DLC1: variants seen among roughly 807,000 people sequenced by gnomAD.
DLC1 encodes rho GTPase-activating protein 7.
Under a neutral mutation model 140.3 loss-of-function variants are expected in DLC1, and 54 were observed. The ratio of observed to expected loss-of-function variants is 0.38; its 90% CI spans 0.31 to 0.48. The LOEUF (loss-of-function observed/expected upper bound fraction) is 0.48. DLC1 is among the 20% of genes least tolerant of loss of function. The pLI is 0.96. For missense variants in DLC1, 2,536 were observed against 1,907.0 expected, an observed-to-expected ratio of 1.33 and a Z score of -6.14; for synonymous variants, 986 against 728.1, an observed-to-expected ratio of 1.35 and a Z score of -5.70.
chr8:13,096,196 G>C (rs1426983774), intron 10 of DLC1: 2 of 152,242 alleles, frequency 1.3e-5, no homozygotes, highest in Non-Finnish European at 2.9e-5. Flanking sequence ...GGCTTTTACA[G>C]TTGGTTTTGA....
chr8:13,184,139 T>A (rs889485374), intron 5 of DLC1, among the ~76,000 whole-genome samples: 2 of 152,228 alleles, frequency 1.3e-5, no homozygotes, highest in Middle Eastern at 3.2e-3. Flanking sequence ...GTAGTTTTTA[T>A]TTCTATGGGA....
intron 1 of DLC1, among the ~76,000 whole-genome samples, chr8:13,522,980 A>G (rs927968076): frequency 3.9e-5 from 6 of 152,148 alleles, no homozygotes; most frequent in Admixed American, 1.3e-4. Flanking sequence ...ATGTGGCTAA[A>G]ATGGAAGGAG....
intron 5 of DLC1, among the ~76,000 whole-genome samples, chr8:13,126,018 T>C (rs1004546358): frequency 6.6e-6 from 1 of 151,984 alleles, no homozygotes; most frequent in Non-Finnish European, 1.5e-5. Context: ...TACAAGAGTT[T>C]GCAAAGTACT....
intron 2 of DLC1, among the ~76,000 whole-genome samples, chr8:13,482,352 G>C (rs916464533): frequency 4.0e-5 from 6 of 151,678 alleles, no homozygotes; most frequent in Admixed American, 2.6e-4. Context: ...CAGAGAGAGA[G>C]AGTTTAACTT....
chr8:13,522,799 C>T (rs1055692314), intron 1 of DLC1, among the ~76,000 whole-genome samples: 3 of 151,800 alleles, frequency 2.0e-5, no homozygotes, highest in African/African-American at 7.3e-5. Flanking sequence ...AAATAAGAAA[C>T]ACCAGAGTAA....
At chr8:13,201,709 A>G (rs1254124788) in intron 5 of DLC1, among the ~76,000 whole-genome samples, 1 of 152,194 alleles carries the variant, frequency 6.6e-6, no homozygotes, top group Non-Finnish European at 1.5e-5. Flanking sequence ...CTGTGGTTTT[A>G]TAATACTGAA....
intron 1 of DLC1, chr8:13,558,844 G>C (rs911120926): frequency 6.6e-6 from 1 of 152,106 alleles, no homozygotes; most frequent in Non-Finnish European, 1.5e-5. Context: ...ATAGATGAGT[G>C]AGTTCAGGAG....
At chr8:13,568,087 A>G in intron 1 of DLC1, 2 of 948,936 alleles carry the variant, frequency 2.1e-6, no homozygotes, top group Non-Finnish European at 3.1e-6. Context: ...TTTTCCTATT[A>G]TAGAAGGCAC....
intron 1 of DLC1, among the ~76,000 whole-genome samples, chr8:13,510,517 C>A (rs1407264520): frequency 6.6e-6 from 1 of 152,122 alleles, no homozygotes; most frequent in Non-Finnish European, 1.5e-5. Flanking sequence ...AATTTGCACA[C>A]ATGAAATCTC....
chr8:13,535,689 A>AAAG (rs1803254318), intron 1 of DLC1, among the ~76,000 whole-genome samples: 1 of 149,918 alleles, frequency 6.7e-6, no homozygotes, highest in Admixed American at 6.7e-5. Context: ...AAAAAAGAAA[A>AAAG]GAAAACAACA....
In DLC1 at chr8:13,179,419, T is replaced by TA. The variant is rs781357980; in HGVS notation, c.1349-63763_1349-63762insT. 1.8e-3 allele frequency among the ~76,000 whole-genome samples: 268 copies of TA among 152,234 alleles called. 1 individual carries two copies. The highest frequency in any genetic ancestry group is 3.4e-3 in the Middle Eastern group (1 of 294). On this transcript the variant is annotated intron_variant, in intron 5 of 17. Coordinates refer to ENST00000276297, the MANE Select transcript of DLC1 (RefSeq NM_182643.3). ...CACTTACACATGCACTGTATATATA[T>TA]TTTTTAATAAAGAATTAATGGCTGA...
intron 4 of DLC1, among the ~76,000 whole-genome samples, chr8:13,382,714 C>A (rs1836332885): frequency 6.6e-6 from 1 of 151,972 alleles, no homozygotes; most frequent in Non-Finnish European, 1.5e-5. Context: ...AAATAAAATC[C>A]TTTGCTAAGA....
chr8:13,391,136 T>C (rs1836742470), intron 4 of DLC1, among the ~76,000 whole-genome samples: 2 of 152,166 alleles, frequency 1.3e-5, no homozygotes, highest in African/African-American at 2.4e-5. Context: ...GCTAGAGAAC[T>C]TTACTAAATT....
At chr8:13,288,132 C>G (rs1337511254) in intron 5 of DLC1, among the ~76,000 whole-genome samples, 2 of 152,040 alleles carry the variant, frequency 1.3e-5, no homozygotes, top group Admixed American at 6.6e-5. Flanking sequence ...TTTTTCTAAC[C>G]TAGCCACTAA....
Position 13,541,031 on chromosome 8 carries a change from T to A in DLC1, c.-125-40835A>T, listed in dbSNP as rs544060232. Among the ~76,000 whole-genome samples, 7 of 152,352 alleles carry A rather than the reference T, an allele frequency of 4.6e-5. No homozygotes were observed. The South Asian group carries it at 1.2e-3, about 27-fold the overall frequency. ...TATTTAACCAGCTAATTCTATTTCTTCATTAGCTCTATTGAGTTATAATTT... is the reference window on the plus strand; with the variant it reads ...TATTTAACCAGCTAATTCTATTTCTACATTAGCTCTATTGAGTTATAATTT... On this transcript the variant is annotated intron_variant, in intron 1 of 1. Transcript: ENST00000631382.
intron 4 of DLC1, among the ~76,000 whole-genome samples, chr8:13,363,610 A>G (rs1344483374): frequency 6.6e-6 from 1 of 152,156 alleles, no homozygotes; most frequent in Non-Finnish European, 1.5e-5. Context: ...TATAGAACCT[A>G]AAGTCATTGG....
intron 2 of DLC1, among the ~76,000 whole-genome samples, chr8:13,407,455 C>T (rs1037838528): frequency 6.6e-6 from 1 of 152,156 alleles, no homozygotes; most frequent in African/African-American, 2.4e-5. Flanking sequence ...GTGCAAATTA[C>T]TGGATATTTT....
chr8:13,471,533 G>A (rs951307828), intron 2 of DLC1, among the ~76,000 whole-genome samples: 3 of 147,440 alleles, frequency 2.0e-5, no homozygotes, highest in Non-Finnish European at 4.5e-5. Flanking sequence ...GAGGGAGGGA[G>A]GGAAGGAGGG....
At chr8:13,261,278 C>T (rs149363805) in intron 5 of DLC1, among the ~76,000 whole-genome samples, 3 of 152,164 alleles carry the variant, frequency 2.0e-5, no homozygotes, top group Admixed American at 2.0e-4. Context: ...AGCCATGTGA[C>T]TGTCTGGGAA....
Sources: allele counts gnomAD v4.1 joint callset (sites outside exome capture counted in the v4.1 genomes callset), GRCh38; gene constraint gnomAD v4.1.1; transcripts MANE v1.5; gene names NCBI Gene and HGNC (gene_info 2026-07-23, HGNC 2026-07-21).